The following SPG11 variants were observed in gnomAD, a reference collection of about 807,000 sequenced individuals.
The protein encoded by SPG11 is spatacsin.
SPG11 carries 222 observed loss-of-function variants against 274.0 expected under a neutral mutation model. That is an observed-to-expected ratio of 0.81 (90% CI 0.73 to 0.91). The LOEUF (loss-of-function observed/expected upper bound fraction) is 0.91. Among genes scored for constraint, SPG11 ranks in the 40% least tolerant of loss-of-function variants. The pLI, the probability that SPG11 is intolerant of heterozygous loss-of-function variation, is 0.00. For synonymous variants in SPG11, 1,144 were observed against 1,039.7 expected (o/e 1.10, Z -1.93); for missense variants, 3,114 against 2,872.7 (o/e 1.08, Z -1.92).
intron 27 of SPG11, among the ~76,000 whole-genome samples, chr15:44,589,966 C>T (rs2082863621): frequency 6.6e-6 from 1 of 152,188 alleles, no homozygotes; most frequent in African/African-American, 2.4e-5. Flanking sequence ...GCCACCACGC[C>T]TGGCTAATTT....
intron 7 of SPG11, among the ~76,000 whole-genome samples, chr15:44,638,500 A>ACC (rs11479753): frequency 8.7e-4 from 112 of 129,160 alleles, no homozygotes; most frequent in African/African-American, 2.9e-3. Flanking sequence ...AAACCACAAA[A>ACC]CCCCCCCCCC....
rs1483367538 is a variant in SPG11 at position 44,572,882 on chromosome 15, G to C, written c.6206-62C>G. On this transcript the variant is annotated intron_variant, in intron 32 of 39. Transcript: ENST00000261866. ...TCTAAGAGAGGCCCACTCTGCCCAG[G>C]CTTAGGCACCAGGAGGTAATGCTTA... The C allele has an allele frequency of 5.1e-6, 8 of 1,578,840 alleles. No homozygotes were observed. In the Admixed American group the frequency reaches 1.0e-4, roughly 20 times the overall value.
At chr15:44,649,385 C>T (rs938790916) in intron 6 of SPG11, among the ~76,000 whole-genome samples, 5 of 152,042 alleles carry the variant, frequency 3.3e-5, no homozygotes, top group East Asian at 3.9e-4. Context: ...AACTGTTTTG[C>T]TAATTTAAAA....
chr15:44,642,082 C>T (rs910335081), intron 7 of SPG11, among the ~76,000 whole-genome samples: 2 of 151,550 alleles, frequency 1.3e-5, no homozygotes, highest in South Asian at 2.1e-4. Context: ...AATATATATA[C>T]ACTGCCAGGC....
chr15:44,598,232 T>A, intron 23 of SPG11, 33 bp downstream of exon 23: 2 of 1,539,668 alleles, frequency 1.3e-6, no homozygotes, highest in Non-Finnish European at 1.8e-6. Context: ...AATAAGCTTG[T>A]TAGAAAAGAG....
chr15:44,593,410 G>C (rs2082952210), intron 26 of SPG11, among the ~76,000 whole-genome samples: 1 of 152,050 alleles, frequency 6.6e-6, no homozygotes, highest in Non-Finnish European at 1.5e-5. Context: ...GGCTGGTCTT[G>C]AACTCTTGGA....
At chr15:44,649,914 A>G in intron 6 of SPG11, among the ~76,000 whole-genome samples, 1 of 151,940 alleles carries the variant, frequency 6.6e-6, no homozygotes, top group Middle Eastern at 3.4e-3. Context: ...AAAAAGCACT[A>G]AACCCCACAT....
chr15:44,567,866 C>G lies in SPG11; in HGVS notation c.6586-274G>C, dbSNP rs543463568. Among the ~76,000 whole-genome samples the G allele has an allele frequency of 2.0e-5, 3 of 152,322 alleles. 1 individual carries two copies. In the East Asian group the frequency reaches 5.8e-4, roughly 29 times the overall value. Reference sequence around the variant, plus strand: ...ATCTAACAATTCCATTTCTAGGAATCTGTCCCTAAAGAGATAAGCAGAGAA... The same window carrying G: ...ATCTAACAATTCCATTTCTAGGAATGTGTCCCTAAAGAGATAAGCAGAGAA... On this transcript the variant is annotated intron_variant, in intron 35 of 39. Transcript: ENST00000261866.
chr15:44,598,129 A>T, intron 23 of SPG11, 136 bp downstream of exon 23: 1 of 683,082 alleles, frequency 1.5e-6, no homozygotes, highest in Non-Finnish European at 2.7e-6. Context: ...AGTATCTGCT[A>T]CATGCTAGAT....
At position 44,598,276 on chromosome 15, in the gene SPG11, C is replaced by G. The variant is rs2083094321; in HGVS notation, c.3990G>C (p.Gln1330His). 4 of 1,613,188 alleles carry G rather than the reference C, an allele frequency of 2.5e-6. No homozygotes were observed. In the East Asian group the frequency reaches 8.9e-5, roughly 36 times the overall value. ...TGCAACTCACAAACCTCTTTATTTC[C>G]TGTTGCTGAATGCTGTTCCATGTAC... The part of the protein sequence containing the change: ...EEGTWNSIQQ[Q>H]EIKRLSSESS... Residue 1330 changes from glutamine to histidine, a missense_variant, in exon 23 of 40, where the codon CAG (glutamine) becomes CAC (histidine). Physicochemically the swap from Gln to His is conservative, Grantham distance 24. Transcript: ENST00000261866.
intron 7 of SPG11, among the ~76,000 whole-genome samples, chr15:44,644,024 G>A (rs944783607): frequency 1.7e-4 from 26 of 151,844 alleles, no homozygotes; most frequent in East Asian, 3.9e-4. Flanking sequence ...AAAATTAGCC[G>A]GGTGTGGTGG....
Position 44,628,718 on chromosome 15 carries a change from T to C in SPG11, c.2018A>G (p.Asn673Ser). Residue 673 changes from asparagine to serine, a missense_variant, in exon 10 of 40, where the codon AAT (asparagine) becomes AGT (serine). Coordinates refer to ENST00000261866, the MANE Select transcript of SPG11 (RefSeq NM_025137.4). Reference sequence around the variant, plus strand: ...ATTGCTCTCCTTTACTTTGGGGACATTTTCATGTACATCATATTCATCTAT... The same window carrying C: ...ATTGCTCTCCTTTACTTTGGGGACACTTTCATGTACATCATATTCATCTAT... ...DAIDEYDVHENVPKVKESNIW... is the reference protein window; with the variant it reads ...DAIDEYDVHESVPKVKESNIW... The C allele has an allele frequency of 6.2e-7, 1 of 1,613,784 alleles. No individual in the cohort carries two copies. Among genetic ancestry groups the C allele is most frequent in the Non-Finnish European group, 8.5e-7 (1 of 1,179,904 alleles).
intron 20 of SPG11, among the ~76,000 whole-genome samples, chr15:44,600,977 AC>A (rs1228002667): frequency 6.6e-6 from 1 of 151,974 alleles, no homozygotes; most frequent in African/African-American, 2.4e-5. Flanking sequence ...AGTTGGAGAA[AC>A]CCCGTCTCTA....
At position 44,573,275 on chromosome 15, in the gene SPG11, G is replaced by A. The variant is rs1030350371; in HGVS notation, c.6205+272C>T. 3.2e-5 allele frequency: 19 copies of A among 594,930 alleles called. 1 individual carries two copies. The highest frequency in any genetic ancestry group is 1.3e-4 in the African/African-American group (7 of 53,754). The allele number at this position is 594,930 out of a possible 1,614,324, so 36.9% of individuals were successfully genotyped here. A position where few individuals can be genotyped will look rare whatever the true frequency, so the allele number is the denominator to read the frequency against. On this transcript the variant is annotated intron_variant, in intron 32 of 39. Coordinates refer to ENST00000261866, the MANE Select transcript of SPG11 (RefSeq NM_025137.4). ...GCTGGGATTACAGGCGTGAGCCACC[G>A]CGCCCGGCCAGGACAGTTCTTTAGC...
intron 29 of SPG11, 63 bp from the exon 30 acceptor site, chr15:44,584,621 T>G (rs1235202987): frequency 1.3e-6 from 2 of 1,571,368 alleles, no homozygotes. Context: ...TAAATGCTAA[T>G]GTTCCCTAAG....
At chr15:44,646,741 C>G (rs1179500287) in intron 7 of SPG11, among the ~76,000 whole-genome samples, 1 of 152,122 alleles carries the variant, frequency 6.6e-6, no homozygotes, top group Non-Finnish European at 1.5e-5. Flanking sequence ...AAATCAGATA[C>G]TGGGTGTTCT....
chr15:44,598,496 C>CA (rs2083100988), intron 22 of SPG11, 123 bp from the exon 23 acceptor site: 35 of 1,242,880 alleles, frequency 2.8e-5, no homozygotes, highest in Non-Finnish European at 4.0e-5. Context: ...GAAAGTGAGA[C>CA]AAAGAACACA....
intron 26 of SPG11, among the ~76,000 whole-genome samples, chr15:44,594,729 T>G (rs1405324645): frequency 1.3e-5 from 2 of 151,588 alleles, no homozygotes; most frequent in Non-Finnish European, 2.9e-5. Context: ...GACACTGAAC[T>G]ACAACCTTAC....
At chr15:44,604,858 G>A (rs1397664600) in intron 20 of SPG11, among the ~76,000 whole-genome samples, 1 of 133,344 alleles carries the variant, frequency 7.5e-6, no homozygotes, top group Non-Finnish European at 1.5e-5. Flanking sequence ...AACCCGGGAG[G>A]CACAACTTGC....
Sources: gnomAD v4.1 joint callset for allele counts (sites outside exome capture counted in the v4.1 genomes callset) on GRCh38, gnomAD v4.1.1 for gene constraint, MANE v1.5 for transcripts, NCBI Gene and HGNC (gene_info 2026-07-23, HGNC 2026-07-21) for gene names.